Variants in SNRPB2 observed in about 807,000 individuals in gnomAD.
SNRPB2 encodes the protein U2 small nuclear ribonucleoprotein B''.
Under a neutral mutation model 26.3 loss-of-function variants are expected in SNRPB2, and 16 were observed. That is an observed-to-expected ratio of 0.61 (90% confidence interval 0.41 to 0.92). The LOEUF is 0.92. Among genes scored for constraint, SNRPB2 ranks in the 40% least tolerant of loss-of-function variants. The pLI is 0.00. For missense variants in SNRPB2, 179 were observed against 268.1 expected (o/e 0.67, Z 2.32); for synonymous variants, 75 against 89.0 (o/e 0.84, Z 0.88).
chr20:16,740,271 C>T, intron 5 of SNRPB2, 54 bp from the exon 6 acceptor site: 4 of 1,597,904 alleles, frequency 2.5e-6, no homozygotes, highest in South Asian at 1.1e-5. Context: ...ACATGCCTAG[C>T]TTACGATGCT....
intron 3 of SNRPB2, among the ~76,000 whole-genome samples, chr20:16,736,290 G>A (rs1031038348): frequency 6.6e-6 from 1 of 151,986 alleles, no homozygotes; most frequent in Non-Finnish European, 1.5e-5. Context: ...GAACAGATGA[G>A]TGTTTGGAAG....
chr20:16,732,820 G>T (rs1299131075), intron 3 of SNRPB2, among the ~76,000 whole-genome samples: 1 of 152,204 alleles, frequency 6.6e-6, no homozygotes, highest in Non-Finnish European at 1.5e-5. Context: ...CAATGGAAAT[G>T]AAATGGTTAT....
intron 6 of SNRPB2, among the ~76,000 whole-genome samples, 180 bp from the exon 7 acceptor site, chr20:16,740,666 T>C (rs1484790041): frequency 1.3e-5 from 2 of 152,230 alleles, no homozygotes; most frequent in Admixed American, 1.3e-4. Context: ...AGAATTAGTT[T>C]ATTCTTGCAG....
intron 2 of SNRPB2, 34 bp from the exon 3 acceptor site, chr20:16,732,130 T>C (rs200578095): frequency 8.8e-5 from 120 of 1,359,832 alleles, no homozygotes; most frequent in Non-Finnish European, 3.3e-5. Context: ...ATTACTTTAT[T>C]ACCAATAACT....
intron 4 of SNRPB2, among the ~76,000 whole-genome samples, chr20:16,737,786 C>T (rs2072436360): frequency 1.3e-5 from 2 of 151,952 alleles, no homozygotes; most frequent in African/African-American, 4.8e-5. Context: ...CCTGTAATTC[C>T]AGCACTTTGG....
chr20:16,736,991 G>T (rs554822236), intron 3 of SNRPB2, among the ~76,000 whole-genome samples: 1 of 151,980 alleles, frequency 6.6e-6, no homozygotes, highest in African/African-American at 2.4e-5. Flanking sequence ...GAGAAGCCGT[G>T]GTACAGATAT....
chr20:16,735,111 C>A (rs1395061182), intron 3 of SNRPB2, among the ~76,000 whole-genome samples: 2 of 152,170 alleles, frequency 1.3e-5, no homozygotes, highest in Non-Finnish European at 2.9e-5. Flanking sequence ...GGCCTACTCC[C>A]TCCCCTCTTG....
At position 16,731,718 on chromosome 20, in the gene SNRPB2, A is replaced by G. The variant is rs749672995; in HGVS notation, c.16A>G (p.Asn6Asp). The G allele has an allele frequency of 6.2e-7, 1 of 1,612,332 alleles. No homozygotes were observed. Among genetic ancestry groups the G allele is most frequent in the Non-Finnish European group, 8.5e-7 (1 of 1,179,008 alleles). Residue 6 changes from asparagine to aspartate, a missense_variant, in exon 2 of 7, where the codon AAT (asparagine) becomes GAT (aspartate). Asn to Asp is a conservative substitution (Grantham distance 23). This residue lies in a region of SNRPB2 where 145 missense variants were observed against 180.7 expected (regional missense o/e 0.80). Coordinates refer to ENST00000246071, the MANE Select transcript of SNRPB2 (RefSeq NM_003092.5). MDIRPNHTIYINNMND... is the reference protein window; with the variant it reads MDIRPDHTIYINNMND... ...TAACACAAACATGGATATCAGACCAAATCATACAATTTATATCAACAATAT... is the reference window on the plus strand; with the variant it reads ...TAACACAAACATGGATATCAGACCAGATCATACAATTTATATCAACAATAT...
intron 3 of SNRPB2, 97 bp downstream of exon 3, chr20:16,732,433 C>G: frequency 1.5e-6 from 1 of 684,636 alleles, no homozygotes; most frequent in South Asian, 2.1e-5. Flanking sequence ...CTATTGCTTT[C>G]TGCTTTTAAT....
chr20:16,740,458 A>G, intron 6 of SNRPB2, 45 bp downstream of exon 6: 1 of 1,602,278 alleles, frequency 6.2e-7, no homozygotes, highest in Non-Finnish European at 8.5e-7. Flanking sequence ...GCTTCCTCAC[A>G]GGACAAGTAG....
At chr20:16,733,742 A>T (rs1170087956) in intron 3 of SNRPB2, among the ~76,000 whole-genome samples, 3 of 152,182 alleles carry the variant, frequency 2.0e-5, no homozygotes, top group African/African-American at 7.2e-5. Flanking sequence ...TTATACCATG[A>T]TGCTTAATTC....
intron 4 of SNRPB2, 133 bp from the exon 5 acceptor site, chr20:16,738,714 TTAAAG>T (rs1206077637): frequency 1.5e-6 from 1 of 665,704 alleles, no homozygotes; most frequent in African/African-American, 1.8e-5. Context: ...ATATAAATTC[TTAAAG>T]TAAAATTAAA....
intron 5 of SNRPB2, among the ~76,000 whole-genome samples, chr20:16,739,364 C>G (rs2072448728): frequency 1.3e-5 from 2 of 148,668 alleles, no homozygotes; most frequent in Non-Finnish European, 3.0e-5. Context: ...AAATTCCAGC[C>G]TTTTTTTTTT....
intron 5 of SNRPB2, among the ~76,000 whole-genome samples, chr20:16,739,636 G>A (rs1184448740): frequency 1.3e-5 from 2 of 152,078 alleles, no homozygotes; most frequent in Non-Finnish European, 2.9e-5. Context: ...TAAGCCTTGA[G>A]TTGTTCACTA....
intron 5 of SNRPB2, among the ~76,000 whole-genome samples, chr20:16,739,200 A>G (rs2122506928): frequency 6.6e-6 from 1 of 152,342 alleles, no homozygotes; most frequent in South Asian, 2.1e-4. Context: ...GGTTTCCTCT[A>G]CAGTACCTAA....
At position 16,742,477 on chromosome 20, in the gene SNRPB2, CTGAG is replaced by C. The variant is rs951725783; in HGVS notation, c.*1476_*1479del. On this transcript the variant is annotated 3_prime_UTR_variant, in exon 7 of 7. Transcript: ENST00000246071. ...GTCTTCTTCAGGATTTGCTTATACT[CTGAG>C]TGAAATGGGGGACTATTTTAGAGAA... 2.6e-5 allele frequency: 4 copies of C among 151,004 alleles called. No individual in the cohort carries two copies. The highest frequency in any genetic ancestry group is 9.8e-5 in the African/African-American group (4 of 41,006). 9.4% of individuals were successfully genotyped at this position (151,004 alleles called of 1,614,324 possible).
Position 16,741,350 on chromosome 20 carries a change from C to T in SNRPB2, c.*345C>T. On this transcript the variant is annotated 3_prime_UTR_variant, in exon 7 of 7. Transcript: ENST00000246071. ...TACTTTGGAGGAGCTAATTATACAA[C>T]ATCATTGAACCATTCAATAAAAGTT... is the stretch of plus-strand genomic sequence containing the variant. The T allele has an allele frequency of 6.1e-6, 1 of 163,170 alleles. No individual in the cohort carries two copies. Among genetic ancestry groups the T allele is most frequent in the Non-Finnish European group, 1.3e-5 (1 of 75,252 alleles). 10.1% of individuals were successfully genotyped at this position (163,170 alleles called of 1,614,324 possible).
rs905238354 is a variant in SNRPB2, at chr20:16,741,865, A to G, written c.*860A>G. ...TAGCTTTTGATTTATGTTTAAGGCT[A>G]TTGATTCAGTCCTCTGCTGAGTAAA... On this transcript the variant is annotated 3_prime_UTR_variant, in exon 7 of 7. Transcript: ENST00000246071. 4.6e-5 allele frequency: 7 copies of G among 152,216 alleles called. No individual in the cohort carries two copies. Among genetic ancestry groups the G allele is most frequent in the African/African-American group, 1.7e-4 (7 of 41,458 alleles). 9.4% of individuals were successfully genotyped at this position (152,216 alleles called of 1,614,324 possible).
At chr20:16,730,973 A>T (rs1289742097) in intron 1 of SNRPB2, 3 of 152,260 alleles carry the variant, frequency 2.0e-5, no homozygotes, top group Non-Finnish European at 4.4e-5. Context: ...GAATTCATTT[A>T]GTCTTCTGAG....
Sources: allele counts gnomAD v4.1 joint callset (sites outside exome capture counted in the v4.1 genomes callset), GRCh38; gene constraint gnomAD v4.1.1; regional missense constraint gnomAD v4.1.1; transcripts MANE v1.5; gene names NCBI Gene and HGNC (gene_info 2026-07-23, HGNC 2026-07-21).